The following WDFY4 variants were observed in gnomAD, a reference collection of about 807,000 sequenced individuals.
WDFY4 encodes the protein WD repeat- and FYVE domain-containing protein 4.
Under a neutral mutation model 351.9 loss-of-function variants are expected in WDFY4, and 169 were observed. That is an observed-to-expected ratio of 0.48 (90% CI 0.42 to 0.55). The LOEUF is 0.55. WDFY4 is among the 20% of genes least tolerant of loss of function. The pLI is 0.00. For missense variants in WDFY4, 3,803 were observed against 3,935.6 expected (o/e 0.97, Z 0.90); for synonymous variants, 1,622 against 1,574.6 (o/e 1.03, Z -0.71).
chr10:48,756,357 G>A (rs183946341), intron 12 of WDFY4, among the ~76,000 whole-genome samples: 446 of 151,772 alleles, frequency 2.9e-3, no homozygotes, highest in African/African-American at 9.7e-3. Context: ...TTTGTATGTC[G>A]ACTATTATTC....
chr10:48,810,808 C>A, intron 29 of WDFY4, 73 bp downstream of exon 29: 1 of 1,403,796 alleles, frequency 7.1e-7, no homozygotes, highest in Non-Finnish European at 9.4e-7. Context: ...CAAGCCAGGC[C>A]CCTTCTTATT....
At chr10:48,833,166 T>A (rs1290234713) in intron 39 of WDFY4, among the ~76,000 whole-genome samples, 1 of 131,404 alleles carries the variant, frequency 7.6e-6, no homozygotes, top group Non-Finnish European at 1.6e-5. Flanking sequence ...TGTGTGTGTG[T>A]GTGTGTGAGA....
rs777599975 is a variant in WDFY4 at position 48,723,444 on chromosome 10, C to T, written c.468C>T (p.Gly156=). ...VLTGTDSETL[G]RVAESGLPAL... ...CTCTTCTCTTGCAGGAGACGCTGGG[C>T]AGGGTTGCTGAGTCTGGGCTTCCAG... The change falls in exon 5 of 62, where the codon GGC becomes GGT. Residue 156 remains glycine (G), a synonymous_variant. Coordinates refer to ENST00000325239, the MANE Select transcript of WDFY4 (RefSeq NM_001394531.1). 1.3e-6 allele frequency: 2 copies of T among 1,549,824 alleles called. No homozygotes were observed. The highest frequency in any genetic ancestry group is 2.4e-5 in the South Asian group (2 of 83,986).
chr10:48,770,568 G>A (rs2065829811), intron 13 of WDFY4, among the ~76,000 whole-genome samples: 2 of 152,142 alleles, frequency 1.3e-5, no homozygotes, highest in South Asian at 2.1e-4. Flanking sequence ...AGGCAAGAGG[G>A]TGGATGTTAC....
intron 49 of WDFY4, among the ~76,000 whole-genome samples, chr10:48,943,681 C>T (rs1840901093): frequency 6.6e-6 from 1 of 152,192 alleles, no homozygotes; most frequent in Non-Finnish European, 1.5e-5. Context: ...CAACTTCCGC[C>T]TCCTGGGTTC....
chr10:48,765,110 A>C (rs985469771), intron 13 of WDFY4, among the ~76,000 whole-genome samples: 1 of 152,240 alleles, frequency 6.6e-6, no homozygotes, highest in Non-Finnish European at 1.5e-5. Flanking sequence ...ACATGAATAG[A>C]ACATATGGAT....
intron 43 of WDFY4, among the ~76,000 whole-genome samples, chr10:48,878,988 A>T (rs2620879): frequency 6.6e-6 from 1 of 152,230 alleles, no homozygotes; most frequent in Non-Finnish European, 1.5e-5. Context: ...ATTAAAATAT[A>T]TAACACATGT....
intron 44 of WDFY4, among the ~76,000 whole-genome samples, chr10:48,895,184 G>T (rs998242985): frequency 6.6e-6 from 1 of 152,182 alleles, no homozygotes; most frequent in African/African-American, 2.4e-5. Flanking sequence ...AGCACAAGTC[G>T]AAGCTCTTAG....
chr10:48,764,200 G>C (rs2065597844), intron 13 of WDFY4, among the ~76,000 whole-genome samples: 1 of 152,114 alleles, frequency 6.6e-6, no homozygotes, highest in Non-Finnish European at 1.5e-5. Flanking sequence ...TAACCTTATG[G>C]GTGTTCTCTT....
intron 39 of WDFY4, among the ~76,000 whole-genome samples, chr10:48,855,242 T>A (rs1341590160): frequency 6.6e-6 from 1 of 152,178 alleles, no homozygotes; most frequent in Non-Finnish European, 1.5e-5. Flanking sequence ...TTTAAGAATT[T>A]TAATAAAGTG....
intron 47 of WDFY4, among the ~76,000 whole-genome samples, chr10:48,939,050 C>T (rs1787056161): frequency 1.3e-5 from 2 of 152,222 alleles, no homozygotes; most frequent in African/African-American, 2.4e-5. Flanking sequence ...TAGCTCAATG[C>T]AGGCACCCAG....
At chr10:48,897,349 T>G in intron 44 of WDFY4, 105 bp from the exon 45 acceptor site, 1 of 1,458,932 alleles carries the variant, frequency 6.9e-7, no homozygotes, top group Non-Finnish European at 9.2e-7. Context: ...GATGTGTCAT[T>G]GGAAATGTGG....
intron 11 of WDFY4, among the ~76,000 whole-genome samples, chr10:48,740,342 A>G (rs2064813454): frequency 1.3e-5 from 2 of 152,230 alleles, no homozygotes; most frequent in African/African-American, 4.8e-5. Flanking sequence ...TCAAGGTTGG[A>G]GTGAGTTTCC....
chr10:48,791,002 T>A, intron 23 of WDFY4, 85 bp downstream of exon 23: 1 of 1,473,502 alleles, frequency 6.8e-7, no homozygotes, highest in Non-Finnish European at 9.2e-7. Context: ...CTTGCCTCAG[T>A]TGCATTCCCT....
At chr10:48,725,821 A>G (rs972247152) in intron 5 of WDFY4, 60 bp from the exon 6 acceptor site, 4 of 1,469,258 alleles carry the variant, frequency 2.7e-6, no homozygotes, top group African/African-American at 1.4e-5. Flanking sequence ...GAACAAATCC[A>G]TCTGAGGAAG....
Position 48,969,139 on chromosome 10 carries a change from T to C in WDFY4, c.8660T>C (p.Ile2887Thr). ...IGHIVSTEKT[I>T]LAVERNKVLL... ...CACATTGTCTCTACTGAGAAGACCA[T>C]TCTGGCTGTAGAGAGGAACAAAGTG... is the stretch of plus-strand genomic sequence containing the variant. Residue 2887 changes from isoleucine to threonine, a missense_variant, in exon 56 of 62, where the codon ATT becomes ACT. By Grantham distance (89) the Ile-to-Thr change is moderately conservative. Transcript: ENST00000325239. The C allele has an allele frequency of 6.4e-7, 1 of 1,551,766 alleles. No individual in the cohort carries two copies. Among genetic ancestry groups the C allele is most frequent in the Non-Finnish European group, 8.7e-7 (1 of 1,146,976 alleles).
chr10:48,702,775 G>A (rs1233136860), intron 1 of WDFY4, among the ~76,000 whole-genome samples: 1 of 149,192 alleles, frequency 6.7e-6, no homozygotes, highest in Non-Finnish European at 1.5e-5. Flanking sequence ...AATTCCTGGG[G>A]GTATGTTTAA....
intron 23 of WDFY4, among the ~76,000 whole-genome samples, chr10:48,792,510 G>A (rs1043646951): frequency 2.0e-5 from 3 of 152,178 alleles, no homozygotes; most frequent in Non-Finnish European, 4.4e-5. Context: ...CTCAAGAATT[G>A]GGGATATTGG....
chr10:48,933,875 C>T (rs1259712565), intron 47 of WDFY4, among the ~76,000 whole-genome samples: 2 of 152,056 alleles, frequency 1.3e-5, no homozygotes, highest in Non-Finnish European at 2.9e-5. Flanking sequence ...GGAGAAAGGG[C>T]CTGACATCAC....
Sources: allele counts gnomAD v4.1 joint callset (sites outside exome capture counted in the v4.1 genomes callset), GRCh38; gene constraint gnomAD v4.1.1; transcripts MANE v1.5; gene names NCBI Gene and HGNC (gene_info 2026-07-23, HGNC 2026-07-21).